Variants in WDR44 observed in about 807,000 individuals in gnomAD.
WDR44 encodes WD repeat-containing protein 44.
Under a neutral mutation model 65.7 loss-of-function variants are expected in WDR44, and 9 were observed. That is an observed-to-expected ratio of 0.14 (90% CI 0.08 to 0.24). The LOEUF is 0.24. Ranked by LOEUF, WDR44 falls within the 10% of genes least tolerant of loss-of-function variation. WDR44 has a pLI of 1.00. For synonymous variants in WDR44, 220 were observed against 235.2 expected (o/e 0.94, Z 0.59); for missense variants, 425 against 670.9 (o/e 0.63, Z 4.05).
chrX:118,358,113 C>A (rs1037329323), intron 1 of WDR44, among the ~76,000 whole-genome samples: 8 of 111,951 alleles, frequency 7.1e-5, no homozygotes, highest in Non-Finnish European at 1.5e-4. Context: ...ACCAAATAAC[C>A]CAGCTTTTAA....
In WDR44 at chrX:118,392,901, T is replaced by C. The variant is rs780072644; in HGVS notation, c.456T>C (p.Asp152=). ...PSDETCEKPV[D]ETTKLTQTSS... is the part of the protein sequence containing the mutation. ...ATGAAACCTGTGAGAAACCAGTAGA[T>C]GAAACCACGAAGTTAACTCAAACAA... Residue 152 remains aspartate (D), a synonymous_variant, in exon 4 of 20, where the codon GAT becomes GAC. Transcript: ENST00000254029. 14 of 1,210,915 alleles carry C rather than the reference T, an allele frequency of 1.2e-5. No individual in the cohort carries two copies. In the East Asian group the frequency reaches 1.2e-4, roughly 10 times the overall value.
At chrX:118,438,795 A>ATTTTTTTTT (rs2057276055) in intron 14 of WDR44, among the ~76,000 whole-genome samples, 30 of 62,524 alleles carry the variant, frequency 4.8e-4, no homozygotes, top group East Asian at 1.1e-3. Context: ...CTGTTCAGCC[A>ATTTTTTTTT]TGTTTTTTTT....
At chrX:118,446,870 G>A (rs1024750492) in intron 19 of WDR44, among the ~76,000 whole-genome samples, 1 of 107,089 alleles carries the variant, frequency 9.3e-6, no homozygotes, top group African/African-American at 3.4e-5. Flanking sequence ...TTTAACTTAT[G>A]AATGAATGAA....
intron 12 of WDR44, among the ~76,000 whole-genome samples, chrX:118,420,745 T>C (rs1465736264): frequency 8.9e-6 from 1 of 112,687 alleles, no homozygotes; most frequent in Non-Finnish European, 1.9e-5. Flanking sequence ...TTGCTTTGCC[T>C]TCACAGGGCA....
In WDR44 at chrX:118,411,044, C is replaced by T. The variant is rs769385446; in HGVS notation, c.1737+85C>T. On this transcript the variant is annotated intron_variant, in intron 12 of 19. Coordinates refer to ENST00000254029, the MANE Select transcript of WDR44 (RefSeq NM_019045.5). ...AAGTATTTTTGTGTATCAGAAATTA[C>T]AGTTGCATGAAGACACTTAATATAA... 1.1e-4 allele frequency: 84 copies of T among 769,461 alleles called. 1 individual carries two copies. The highest frequency in any genetic ancestry group is 8.9e-4 in the East Asian group (25 of 28,168). The allele number at this position is 769,461 out of a possible 1,213,427, so 63.4% of individuals were successfully genotyped here. A position where few individuals can be genotyped will look rare whatever the true frequency, so the allele number is the denominator to read the frequency against.
At chrX:118,382,665 A>G (rs2056729841) in intron 2 of WDR44, among the ~76,000 whole-genome samples, 1 of 111,599 alleles carries the variant, frequency 9.0e-6, no homozygotes, top group Non-Finnish European at 1.9e-5. Flanking sequence ...GGGTGTACTT[A>G]TTAAAATTAA....
intron 1 of WDR44, among the ~76,000 whole-genome samples, chrX:118,355,140 T>C (rs776205517): frequency 1.2e-4 from 13 of 111,980 alleles, no homozygotes; most frequent in Non-Finnish European, 2.3e-4. Context: ...TTTTAAAATA[T>C]ATTACCTATC....
intron 3 of WDR44, 53 bp downstream of exon 3, chrX:118,387,467 G>A: frequency 4.3e-6 from 4 of 929,302 alleles, no homozygotes; most frequent in Non-Finnish European, 6.0e-6. Flanking sequence ...ATATTTATAT[G>A]GTATATTTCA....
intron 13 of WDR44, chrX:118,436,405 A>G (rs937760761): frequency 6.5e-6 from 2 of 307,345 alleles, no homozygotes; most frequent in Admixed American, 9.6e-5. Flanking sequence ...GATAACAACT[A>G]AGGCACACCT....
intron 19 of WDR44, chrX:118,447,106 C>G (rs1307237830): frequency 1.6e-5 from 5 of 321,716 alleles, no homozygotes; most frequent in African/African-American, 1.1e-4. Context: ...AACTTCTAGC[C>G]TCAAAAAGGT....
chrX:118,378,324 T>C (rs899415129), intron 1 of WDR44, 95 bp from the exon 2 acceptor site: 3 of 727,741 alleles, frequency 4.1e-6, no homozygotes, highest in Non-Finnish European at 6.1e-6. Context: ...TATATACACA[T>C]TTTTTAAATG....
chrX:118,441,383 C>G lies in WDR44; in HGVS notation c.1990C>G (p.Leu664Val). The change falls in exon 15 of 20, where the codon CTA becomes GTA. Residue 664 changes from leucine to valine, a missense_variant. Leu to Val is a conservative substitution (Grantham distance 32, BLOSUM62 1). This residue lies in a region of WDR44 where 73 missense variants were observed against 187.4 expected (regional missense o/e 0.39). Transcript: ENST00000254029. ...ACCTCTTTAGGATGACAGGTATTTT[C>G]TAAGTGGGTCTTTGGATGGAAAGCT... ...AFHPRDDRYF[L>V]SGSLDGKLRL... The G allele has an allele frequency of 8.3e-7, 1 of 1,200,862 alleles. No individual in the cohort carries two copies. The highest frequency in any genetic ancestry group is 1.1e-6 in the Non-Finnish European group (1 of 888,245).
chrX:118,386,265 A>T (rs2056764996), intron 2 of WDR44: 3 of 279,020 alleles, frequency 1.1e-5, no homozygotes, highest in Non-Finnish European at 2.0e-5. Flanking sequence ...CAAGAGTAGC[A>T]TTCAAATTGC....
At chrX:118,417,667 T>C (rs1474259841) in intron 12 of WDR44, among the ~76,000 whole-genome samples, 2 of 112,182 alleles carry the variant, frequency 1.8e-5, no homozygotes, top group Non-Finnish European at 3.8e-5. Context: ...GCCTACGCGA[T>C]GATCATTTTG....
intron 10 of WDR44, among the ~76,000 whole-genome samples, chrX:118,407,701 TGA>T (rs1287770383): frequency 8.9e-6 from 1 of 112,137 alleles, no homozygotes; most frequent in East Asian, 2.8e-4. Context: ...TGTTGTAAAG[TGA>T]GATATTCAGC....
intron 2 of WDR44, among the ~76,000 whole-genome samples, chrX:118,387,000 G>A (rs185181933): frequency 2.3e-4 from 25 of 109,434 alleles, no homozygotes; most frequent in African/African-American, 8.0e-4. Context: ...TGGCCAACAA[G>A]GTGAAACTCT....
chrX:118,387,145 G>GCAC (rs2056776323), intron 2 of WDR44, among the ~76,000 whole-genome samples, 195 bp from the exon 3 acceptor site: 1 of 93,605 alleles, frequency 1.1e-5, no homozygotes, highest in Non-Finnish European at 2.0e-5. Flanking sequence ...TTGTGCCACT[G>GCAC]CACTCCAGCC....
intron 11 of WDR44, among the ~76,000 whole-genome samples, chrX:118,410,609 G>A (rs2057005237): frequency 9.0e-6 from 1 of 111,503 alleles, no homozygotes; most frequent in Non-Finnish European, 1.9e-5. Context: ...CTTGCTACTT[G>A]TCATGATTAA....
At chrX:118,376,037 A>T (rs2056656755) in intron 1 of WDR44, among the ~76,000 whole-genome samples, 1 of 111,557 alleles carries the variant, frequency 9.0e-6, no homozygotes. Flanking sequence ...TCCTGGGCTC[A>T]AGTGATCTTC....
Sources: allele counts gnomAD v4.1 joint callset (sites outside exome capture counted in the v4.1 genomes callset), GRCh38; gene constraint gnomAD v4.1.1; regional missense constraint gnomAD v4.1.1; transcripts MANE v1.5; gene names NCBI Gene and HGNC (gene_info 2026-07-23, HGNC 2026-07-21).